PLXNA3: variants seen among roughly 807,000 people sequenced by gnomAD.
The protein encoded by PLXNA3 is plexin-A3.
A neutral mutation model predicts 118.8 loss-of-function variants in PLXNA3; 52 were observed. The observed-to-expected ratio is 0.44, with a 90% CI of 0.35 to 0.55. PLXNA3 has a LOEUF of 0.55. Ranked by LOEUF, PLXNA3 falls within the 20% of genes least tolerant of loss-of-function variation. PLXNA3 has a pLI of 0.01. For missense variants in PLXNA3, 1,660 were observed against 1,730.8 expected, an observed-to-expected ratio of 0.96 and a Z score of 0.73; for synonymous variants, 925 against 762.4, an observed-to-expected ratio of 1.21 and a Z score of -3.51.
At chrX:154,463,109 C>T (rs1343222490) in intron 4 of PLXNA3, among the ~76,000 whole-genome samples, 2 of 111,406 alleles carry the variant, frequency 1.8e-5, no homozygotes, top group Non-Finnish European at 3.8e-5. Context: ...GCACAACCAT[C>T]GCCACTACCT....
intron 11 of PLXNA3, 35 bp from the exon 12 acceptor site, chrX:154,465,389 T>C (rs367916655): frequency 8.8e-7 from 1 of 1,130,854 alleles, no homozygotes; most frequent in South Asian, 1.8e-5. Context: ...GTTCTGCACA[T>C]CTTATCTGGG....
At position 154,465,938 on chromosome X, in the gene PLXNA3, C is replaced by T. The variant is rs782746373; in HGVS notation, c.2536C>T (p.His846Tyr). ...RCSHPRITQI[H>Y]PLVGPKEGGT... ...CACTGCCCATCCTGCTCCACAGATC[C>T]ACCCTCTCGTGGGGCCCAAGGAAGG... is the stretch of plus-strand genomic sequence containing the variant. Residue 846 changes from histidine to tyrosine, a missense_variant, in exon 14 of 33, where the codon CAC becomes TAC. Coordinates refer to ENST00000369682, the MANE Select transcript of PLXNA3 (RefSeq NM_017514.5). 4.1e-6 allele frequency: 5 copies of T among 1,211,669 alleles called. No homozygotes were observed. Among genetic ancestry groups the T allele is most frequent in the Non-Finnish European group, 5.6e-6 (5 of 895,473 alleles).
Position 154,461,498 on chromosome X carries a change from C to T in PLXNA3, c.994C>T (p.Pro332Ser), listed in dbSNP as rs201799797. The T allele has an allele frequency of 5.0e-6, 6 of 1,211,901 alleles. No individual in the cohort carries two copies. The highest frequency in any genetic ancestry group is 1.8e-5 in the South Asian group (1 of 57,034). ...SQGQKNRASP[P>S]RQTILCLFTL... ...GGGCCAGAAGAACCGGGCCAGCCCA[C>T]CCCGGCAGACCATCCTCTGCCTCTT... Residue 332 changes from proline to serine, a missense_variant, in exon 3 of 33, where the codon CCC (proline) becomes TCC (serine). Around this residue, in one of 2 missense-constraint regions of PLXNA3, gnomAD observed 791 missense variants for 652.1 expected, o/e 1.21. Transcript: ENST00000369682.
At position 154,460,781 on chromosome X, in the gene PLXNA3, C is replaced by G. The variant is rs782497416; in HGVS notation, c.594+4C>G. The stretch of plus-strand genomic sequence containing the variant: ...CAGCGCGGACATGTTCAGTCTCGTG[C>G]GTGAGCCTTCCTTCTCTTCTTCCTC... On this transcript the variant is annotated splice_donor_region_variant and intron_variant, in intron 2 of 32. Transcript: ENST00000369682. 1 of 1,082,690 alleles carries G rather than the reference C, an allele frequency of 9.2e-7. No homozygotes were observed. 89.2% of individuals were successfully genotyped at this position (1,082,690 alleles called of 1,213,427 possible).
rs372624416 is a variant in PLXNA3 at position 154,467,623 on chromosome X, C to T, written c.3520C>T (p.Leu1174Phe). Residue 1174 changes from leucine to phenylalanine, a missense_variant, in exon 20 of 33, where the codon CTC becomes TTC. Leu to Phe is a conservative substitution (Grantham distance 22). Around this residue, in one of 2 missense-constraint regions of PLXNA3, gnomAD observed 869 missense variants for 1,078.7 expected, o/e 0.81. Coordinates refer to ENST00000369682, the MANE Select transcript of PLXNA3 (RefSeq NM_017514.5). ...TVLIGGQPCS[L>F]TVSDTQLLCD... ...GCTGATAGGAGGCCAGCCGTGTTCGCTCACTGTCTCGGACACACAACTCCT... is the reference window on the plus strand; with the variant it reads ...GCTGATAGGAGGCCAGCCGTGTTCGTTCACTGTCTCGGACACACAACTCCT... 8.3e-7 allele frequency: 1 copy of T among 1,209,924 alleles called. No homozygotes were observed.
chrX:154,461,259 CAGCGGGCGAGAAATTT>C lies in PLXNA3; in HGVS notation c.756_771del (p.Ala253SerfsTer112). 8.2e-7 allele frequency: 1 copy of C among 1,212,541 alleles called. No homozygotes were observed. Among genetic ancestry groups the C allele is most frequent in the Non-Finnish European group, 1.1e-6 (1 of 895,564 alleles). On this transcript the variant is annotated frameshift_variant, in exon 3 of 33. Coordinates refer to ENST00000369682, the MANE Select transcript of PLXNA3 (RefSeq NM_017514.5). LOFTEE classifies it high-confidence loss of function. ...GACACCCAGCAGACGCTGTTGGACA[CAGCGGGCGAGAAATTT>C]TTCACGTCCAAGATCGTGCGCATGT... is the stretch of plus-strand genomic sequence containing the variant.
Position 154,469,685 on chromosome X carries a change from C to T in PLXNA3, c.4699-3C>T. On this transcript the variant is annotated splice_polypyrimidine_tract_variant and splice_region_variant and intron_variant, in intron 27 of 32. Coordinates refer to ENST00000369682, the MANE Select transcript of PLXNA3 (RefSeq NM_017514.5). ...TGCCCCCCTCTGTCTCTGGGGCCTC[C>T]AGGTGACAGACGGTTCCTTGGTGGC... The T allele has an allele frequency of 1.7e-6, 2 of 1,207,021 alleles. No homozygotes were observed. The highest frequency in any genetic ancestry group is 2.2e-6 in the Non-Finnish European group (2 of 891,097).
rs2069224307 is a variant in PLXNA3, at chrX:154,474,761, G to GCCACCAT, written c.*2077_*2083dup. The GCCACCAT allele has an allele frequency of 1.0e-5, 1 of 97,445 alleles. No homozygotes were observed. The highest frequency in any genetic ancestry group is 1.1e-4 in the Admixed American group (1 of 8,733). 8.0% of individuals were successfully genotyped at this position (97,445 alleles called of 1,213,427 possible). ...CAAAGTGCTGGGATTACAGGCGTGA[G>GCCACCAT]CCACCATGCCTGACCTTTTTTTTTT... On this transcript the variant is annotated 3_prime_UTR_variant, in exon 33 of 33. Coordinates refer to ENST00000369682, the MANE Select transcript of PLXNA3 (RefSeq NM_017514.5).
Position 154,468,819 on chromosome X carries a change from G to A in PLXNA3, c.4288-4G>A. 2 of 1,211,680 alleles carry A rather than the reference G, an allele frequency of 1.7e-6. No individual in the cohort carries two copies. Among genetic ancestry groups the A allele is most frequent in the East Asian group, 3.0e-5 (1 of 33,857 alleles). On this transcript the variant is annotated splice_region_variant and splice_polypyrimidine_tract_variant and intron_variant, in intron 24 of 32. Transcript: ENST00000369682. Reference sequence around the variant, plus strand: ...GCCAGCTGTGCACCTGTCCCTGGCTGCAGGAGTGTGCTGGGGAGCCTCTCT... The same window carrying A: ...GCCAGCTGTGCACCTGTCCCTGGCTACAGGAGTGTGCTGGGGAGCCTCTCT...
In PLXNA3 at chrX:154,477,761, A is replaced by T; in HGVS notation, c.*5076A>T. 2.5e-6 allele frequency: 1 copy of T among 393,375 alleles called. No individual in the cohort carries two copies. The highest frequency in any genetic ancestry group is 4.5e-6 in the Non-Finnish European group (1 of 224,330). 32.4% of individuals were successfully genotyped at this position (393,375 alleles called of 1,213,427 possible). A position where few individuals can be genotyped will look rare whatever the true frequency, so the allele number is the denominator to read the frequency against. On this transcript the variant is annotated 3_prime_UTR_variant, in exon 33 of 33. Transcript: ENST00000369682. The stretch of plus-strand genomic sequence containing the variant: ...TGGGAGGTGCCCCAGCTGCAAATAA[A>T]CTCAGACTTGGAATAGTAGCGCAGT...
At chrX:154,463,874 G>A in intron 6 of PLXNA3, 77 bp from the exon 7 acceptor site, 2 of 1,130,083 alleles carry the variant, frequency 1.8e-6, no homozygotes, top group Non-Finnish European at 1.2e-6. Context: ...GCTCGCTGTT[G>A]CCTGGCACTG....
rs782215520 is a variant in PLXNA3, at chrX:154,464,043, A to G, written c.1640A>G (p.Asn547Ser). Residue 547 changes from asparagine to serine, a missense_variant, in exon 7 of 33, where the codon AAC (asparagine) becomes AGC (serine). Transcript: ENST00000369682. ...TGTGTCCAGGTGCGGGTCCGGCCCA[A>G]CAATGTGTCAGTGACGTCACCTGGG... The part of the protein sequence containing the change: ...SKCVQVRVRP[N>S]NVSVTSPGVQ... 8.3e-7 allele frequency: 1 copy of G among 1,210,615 alleles called. No homozygotes were observed. Among genetic ancestry groups the G allele is most frequent in the Non-Finnish European group, 1.1e-6 (1 of 895,082 alleles).
intron 3 of PLXNA3, 86 bp from the exon 4 acceptor site, chrX:154,462,042 G>T (rs191889762): frequency 5.0e-6 from 4 of 807,715 alleles, no homozygotes; most frequent in African/African-American, 2.1e-5. Flanking sequence ...TCTAGATCCC[G>T]CTCTCTTCTG....
rs782698800 is a variant in PLXNA3 at position 154,467,809 on chromosome X, A to T, written c.3628A>T (p.Ile1210Phe). ...GLEFWLGTLH[I>F]SAERALTLPA... The stretch of plus-strand genomic sequence containing the variant: ...GGAGTTCTGGCTGGGCACCCTGCAC[A>T]TCTCGGCAGAGCGGGCGCTGACCCT... Residue 1210 changes from isoleucine to phenylalanine, a missense_variant, in exon 21 of 33, where the codon ATC becomes TTC. By Grantham distance (21) the Ile-to-Phe change is conservative. This residue lies in a region of PLXNA3 where 869 missense variants were observed against 1,078.7 expected (regional missense o/e 0.81). Transcript: ENST00000369682. 6 of 1,201,751 alleles carry T rather than the reference A, an allele frequency of 5.0e-6. No homozygotes were observed. The African/African-American group carries it at 1.1e-4, about 21-fold the overall frequency.
chrX:154,460,147 C>G lies in PLXNA3; in HGVS notation c.-27-10C>G, dbSNP rs782031983. 9 of 990,917 alleles carry G rather than the reference C, an allele frequency of 9.1e-6. 1 individual carries two copies. The East Asian group carries it at 1.8e-4, about 20-fold the overall frequency. 81.7% of individuals were successfully genotyped at this position (990,917 alleles called of 1,213,427 possible). ...GAGGCCTCTGACTCCCACACACCGT[C>G]TCTCCCTAGGCCTGTCCCCAGGCGC... On this transcript the variant is annotated splice_polypyrimidine_tract_variant and intron_variant, in intron 1 of 32. Transcript: ENST00000369682.
rs781857492 is a variant in PLXNA3 at position 154,469,727 on chromosome X, G to A, written c.4738G>A (p.Val1580Met). Residue 1580 changes from valine (V) to methionine (M), a missense_variant, in exon 28 of 33, where the codon GTG (valine) becomes ATG (methionine). Physicochemically the swap from Val to Met is conservative, Grantham distance 21 (BLOSUM62 1). Coordinates refer to ENST00000369682, the MANE Select transcript of PLXNA3 (RefSeq NM_017514.5). ...CTTGGTGGCATTGGTGCCCAAACAA[G>A]TGTCTGCCTATAACATGGCCAACTC... ...GSLVALVPKQ[V>M]SAYNMANSFT... 9 of 1,211,445 alleles carry A rather than the reference G, an allele frequency of 7.4e-6. No homozygotes were observed. The highest frequency in any genetic ancestry group is 1.0e-5 in the Non-Finnish European group (9 of 895,013).
intron 30 of PLXNA3, chrX:154,470,856 G>C (rs1374303048): frequency 9.0e-6 from 4 of 446,752 alleles, no homozygotes; most frequent in Non-Finnish European, 1.5e-5. Context: ...CTTGCACCAG[G>C]TAGAGATGCT....
chrX:154,464,882 C>A lies in PLXNA3; in HGVS notation c.2043+14C>A. 1 of 1,144,227 alleles carries A rather than the reference C, an allele frequency of 8.7e-7. No individual in the cohort carries two copies. Among genetic ancestry groups the A allele is most frequent in the Non-Finnish European group, 1.2e-6 (1 of 843,723 alleles). 94.3% of individuals were successfully genotyped at this position (1,144,227 alleles called of 1,213,427 possible). On this transcript the variant is annotated intron_variant, in intron 10 of 32. Transcript: ENST00000369682. ...CACAGCCCTGAGGTGAGGCGGGCGCCGCATGTGAGGGGCTGGGCTCTGTGG... is the reference window on the plus strand; with the variant it reads ...CACAGCCCTGAGGTGAGGCGGGCGCAGCATGTGAGGGGCTGGGCTCTGTGG...
At chrX:154,458,481 G>A (rs1489870636) in intron 1 of PLXNA3, 53 bp downstream of exon 1, 1 of 111,535 alleles carries the variant, frequency 9.0e-6, no homozygotes, top group Non-Finnish European at 1.9e-5. Flanking sequence ...CTCGGGGCCC[G>A]GGGCTCCGGC....
Sources: allele counts gnomAD v4.1 joint callset (sites outside exome capture counted in the v4.1 genomes callset), GRCh38; gene constraint gnomAD v4.1.1; regional missense constraint gnomAD v4.1.1; transcripts MANE v1.5; gene names NCBI Gene and HGNC (gene_info 2026-07-23, HGNC 2026-07-21).